Variants in SLC4A10 observed in about 807,000 individuals in gnomAD.
SLC4A10 encodes the protein sodium-driven chloride bicarbonate exchanger.
A neutral mutation model predicts 137.7 loss-of-function variants in SLC4A10; 42 were observed. The observed-to-expected ratio is 0.30, with a 90% CI of 0.24 to 0.39. SLC4A10 has a LOEUF of 0.39. Ranked by LOEUF, SLC4A10 falls within the 10% of genes least tolerant of loss-of-function variation. The pLI is 1.00. For missense variants in SLC4A10, 925 were observed against 1,355.0 expected (o/e 0.68, Z 4.98); for synonymous variants, 474 against 464.1 (o/e 1.02, Z -0.27).
chr2:161,688,811 G>A (rs1188799651), intron 1 of SLC4A10, among the ~76,000 whole-genome samples: 3 of 152,066 alleles, frequency 2.0e-5, no homozygotes, highest in Non-Finnish European at 4.4e-5. Context: ...TTATGGTCAT[G>A]TGCCATATAA....
chr2:161,832,378 G>T (rs1277959744), intron 3 of SLC4A10, among the ~76,000 whole-genome samples: 2 of 152,194 alleles, frequency 1.3e-5, no homozygotes, highest in Non-Finnish European at 2.9e-5. Flanking sequence ...CAGTGAGGAA[G>T]GGATACTGAC....
intron 1 of SLC4A10, among the ~76,000 whole-genome samples, chr2:161,630,823 C>T (rs1250036130): frequency 6.6e-6 from 1 of 151,734 alleles, no homozygotes; most frequent in African/African-American, 2.4e-5. Flanking sequence ...AGATGAGAAA[C>T]TGAGGTCCAG....
chr2:161,805,949 C>T (rs932167021), intron 3 of SLC4A10, among the ~76,000 whole-genome samples: 1 of 152,230 alleles, frequency 6.6e-6, no homozygotes, highest in African/African-American at 2.4e-5. Flanking sequence ...AGCAGAGGTT[C>T]TCCATGAGGG....
intron 3 of SLC4A10, among the ~76,000 whole-genome samples, chr2:161,818,200 C>A (rs538801320): frequency 6.6e-6 from 1 of 152,066 alleles, no homozygotes; most frequent in African/African-American, 2.4e-5. Flanking sequence ...CTTCGCATCC[C>A]TTTTAAGTTG....
chr2:161,782,136 C>T (rs975702232), intron 2 of SLC4A10, among the ~76,000 whole-genome samples: 2 of 152,004 alleles, frequency 1.3e-5, no homozygotes, highest in African/African-American at 4.8e-5. Flanking sequence ...AAACAAAATC[C>T]CCACCTTTCA....
rs548199363 is a variant in SLC4A10 at position 161,785,717 on chromosome 2, T to C, written c.130+14663T>C. Reference sequence around the variant, plus strand: ...ACACAATAAAGGCCATATATGACAATCCTACAGTTTACATCATACTCAATG... The same window carrying C: ...ACACAATAAAGGCCATATATGACAACCCTACAGTTTACATCATACTCAATG... On this transcript the variant is annotated intron_variant, in intron 2 of 26. Coordinates refer to ENST00000446997, the MANE Select transcript of SLC4A10 (RefSeq NM_001178015.2). Among the ~76,000 whole-genome samples the C allele has an allele frequency of 9.2e-5, 14 of 151,940 alleles. No individual in the cohort carries two copies. In the East Asian group the frequency reaches 2.7e-3, roughly 29 times the overall value.
intron 3 of SLC4A10, among the ~76,000 whole-genome samples, chr2:161,830,089 A>C (rs555502398): frequency 2.7e-3 from 408 of 152,190 alleles, no homozygotes; most frequent in African/African-American, 9.3e-3. Context: ...TATACATTTA[A>C]AAATTGACAT....
chr2:161,871,088 G>T (rs936811795), intron 6 of SLC4A10, among the ~76,000 whole-genome samples: 1 of 151,742 alleles, frequency 6.6e-6, no homozygotes, highest in Non-Finnish European at 1.5e-5. Context: ...AACCACAGTT[G>T]GTAATTTCTA....
At chr2:161,671,129 CT>C (rs2039662368) in intron 1 of SLC4A10, among the ~76,000 whole-genome samples, 1 of 152,086 alleles carries the variant, frequency 6.6e-6, no homozygotes, top group Non-Finnish European at 1.5e-5. Flanking sequence ...AAGGTGGCGC[CT>C]TTAAGAGATG....
chr2:161,863,129 A>G (rs1254797238), intron 6 of SLC4A10, 67 bp downstream of exon 6: 3 of 1,366,912 alleles, frequency 2.2e-6, no homozygotes, highest in Non-Finnish European at 2.9e-6. Context: ...GCGCTTCTAA[A>G]TCTTTTAAAA....
In SLC4A10 at chr2:161,675,386, A is replaced by G. The variant is rs558950958; in HGVS notation, c.48+50820A>G. ...TCTGCCCAGCTCAGATAGCACAGAA[A>G]CAGCAACCCAAGGTTTCCTACGATC... On this transcript the variant is annotated intron_variant, in intron 1 of 26. Transcript: ENST00000446997. Among the ~76,000 whole-genome samples the G allele has an allele frequency of 1.7e-4, 26 of 152,318 alleles. No homozygotes were observed. The South Asian group carries it at 5.0e-3, about 29-fold the overall frequency.
At chr2:161,626,117 C>T (rs1345744478) in intron 1 of SLC4A10, among the ~76,000 whole-genome samples, 4 of 152,062 alleles carry the variant, frequency 2.6e-5, no homozygotes, top group Non-Finnish European at 5.9e-5. Context: ...GGGAACTATA[C>T]ACAGGAATCG....
At chr2:161,630,387 A>T (rs796449792) in intron 1 of SLC4A10, among the ~76,000 whole-genome samples, 1 of 148,024 alleles carries the variant, frequency 6.8e-6, no homozygotes, top group Non-Finnish European at 1.5e-5. Flanking sequence ...TCTGACATAG[A>T]TTGTTTTGGA....
chr2:161,736,144 T>G (rs1551052), intron 1 of SLC4A10, among the ~76,000 whole-genome samples: 33,450 of 151,952 alleles, frequency 0.22, 4,333 homozygotes, highest in African/African-American at 0.37. Flanking sequence ...TATTTTTTCT[T>G]TTTAGATGAT....
chr2:161,840,069 A>G (rs1478640353), intron 4 of SLC4A10, 142 bp downstream of exon 4: 32 of 944,614 alleles, frequency 3.4e-5, no homozygotes, highest in Non-Finnish European at 4.9e-5. Context: ...AGCATATCCT[A>G]TAACGGGATA....
At chr2:161,822,655 T>A (rs1182092948) in intron 3 of SLC4A10, among the ~76,000 whole-genome samples, 5 of 152,122 alleles carry the variant, frequency 3.3e-5, no homozygotes. Flanking sequence ...TATTATGTAG[T>A]TTTTGTATAT....
Position 161,963,096 on chromosome 2 carries a change from G to A in SLC4A10, c.2863-1039G>A, listed in dbSNP as rs181132592. On this transcript the variant is annotated intron_variant, in intron 21 of 26. Coordinates refer to ENST00000446997, the MANE Select transcript of SLC4A10 (RefSeq NM_001178015.2). Reference sequence around the variant, plus strand: ...ACACTGAAAATTGCAAAAATTGGCCGAAGAACAATAAACCAAATAATCTAT... The same window carrying A: ...ACACTGAAAATTGCAAAAATTGGCCAAAGAACAATAAACCAAATAATCTAT... Among the ~76,000 whole-genome samples, 475 of 152,042 alleles carry A rather than the reference G, an allele frequency of 3.1e-3. 5 individuals carry two copies. The Middle Eastern group carries it at 0.034, about 11-fold the overall frequency.
rs545929623 is a variant in SLC4A10 at position 161,781,537 on chromosome 2, G to A, written c.130+10483G>A. 1.6e-4 allele frequency among the ~76,000 whole-genome samples: 25 copies of A among 152,092 alleles called. No homozygotes were observed. The South Asian group carries it at 2.1e-3, about 13-fold the overall frequency. ...GAAAAAGAACTTGTTTGCTGTTGGC[G>A]ATGAAATCATGTTTAATTATAGTAC... On this transcript the variant is annotated intron_variant, in intron 2 of 26. Coordinates refer to ENST00000446997, the MANE Select transcript of SLC4A10 (RefSeq NM_001178015.2).
At chr2:161,775,545 C>T (rs112635412) in intron 2 of SLC4A10, among the ~76,000 whole-genome samples, 2,496 of 151,936 alleles carry the variant, frequency 0.016, 41 homozygotes, top group Middle Eastern at 0.031. Flanking sequence ...AGACACATTT[C>T]GGTGTCTGTT....
Sources: gnomAD v4.1 joint callset for allele counts (sites outside exome capture counted in the v4.1 genomes callset) on GRCh38, gnomAD v4.1.1 for gene constraint, MANE v1.5 for transcripts, NCBI Gene and HGNC (gene_info 2026-07-23, HGNC 2026-07-21) for gene names.